Variants in SRL observed in about 807,000 individuals in gnomAD.
SRL encodes the protein sarcalumenin.
A neutral mutation model predicts 39.5 loss-of-function variants in SRL; 23 were observed. That is an observed-to-expected ratio of 0.58 (90% CI 0.42 to 0.82). The LOEUF (loss-of-function observed/expected upper bound fraction) is 0.82. Ranked by LOEUF, SRL falls within the 40% of genes least tolerant of loss-of-function variation. The pLI is 0.00. For synonymous variants in SRL, 272 were observed against 237.4 expected (o/e 1.15, Z -1.34); for missense variants, 592 against 607.8 (o/e 0.97, Z 0.27).
intron 1 of SRL, among the ~76,000 whole-genome samples, chr16:4,213,925 C>T (rs1282968786): frequency 1.3e-5 from 2 of 152,152 alleles, no homozygotes; most frequent in Non-Finnish European, 2.9e-5. Flanking sequence ...CAAGTCATTC[C>T]AGGGATGGGC....
chr16:4,198,913 G>T (rs1324390744), intron 3 of SRL, among the ~76,000 whole-genome samples: 1 of 152,178 alleles, frequency 6.6e-6, no homozygotes, highest in Non-Finnish European at 1.5e-5. Context: ...GGGTCCCTAA[G>T]AGGAAAAATA....
intron 1 of SRL, among the ~76,000 whole-genome samples, chr16:4,221,656 T>C (rs9922801): frequency 6.6e-6 from 1 of 152,216 alleles, no homozygotes; most frequent in Non-Finnish European, 1.5e-5. Flanking sequence ...GTTTTGTATT[T>C]GTTCTATGGG....
At chr16:4,194,961 C>T (rs975735648) in intron 5 of SRL, among the ~76,000 whole-genome samples, 1 of 151,938 alleles carries the variant, frequency 6.6e-6, no homozygotes, top group Non-Finnish European at 1.5e-5. Flanking sequence ...GTAGCATGAC[C>T]ACAGCTCACT....
intron 1 of SRL, among the ~76,000 whole-genome samples, chr16:4,233,375 G>A (rs576681581): frequency 3.5e-4 from 54 of 152,244 alleles, no homozygotes; most frequent in Middle Eastern, 3.4e-3. Context: ...TGAGCCAAGC[G>A]TCATGCTACA....
At chr16:4,208,221 G>C (rs2052349503) in intron 1 of SRL, 1 of 359,686 alleles carries the variant, frequency 2.8e-6, no homozygotes, top group Non-Finnish European at 5.4e-6. Flanking sequence ...CTGGTGTGCA[G>C]TGTTACGCCC....
At chr16:4,207,965 G>A (rs1409447565) in intron 1 of SRL, 2 of 456,748 alleles carry the variant, frequency 4.4e-6, no homozygotes, top group Admixed American at 4.7e-5. Context: ...GGTAGTGAAG[G>A]AGCAGTTTCT....
At chr16:4,222,219 A>AC (rs2052539017) in intron 1 of SRL, among the ~76,000 whole-genome samples, 2 of 151,598 alleles carry the variant, frequency 1.3e-5, no homozygotes, top group Non-Finnish European at 2.9e-5. Flanking sequence ...GTCGTCCCCG[A>AC]CCCCTCCTCT....
intron 4 of SRL, among the ~76,000 whole-genome samples, chr16:4,197,594 G>C (rs2052166779): frequency 1.3e-5 from 2 of 148,394 alleles, no homozygotes; most frequent in South Asian, 2.1e-4. Flanking sequence ...GCTAATTTTT[G>C]TATTTTTTTT....
chr16:4,238,267 T>TC (rs2052734025), intron 1 of SRL, among the ~76,000 whole-genome samples: 1 of 151,662 alleles, frequency 6.6e-6, no homozygotes, highest in South Asian at 2.1e-4. Context: ...TGCTCCCCAC[T>TC]CCCCCAGCCA....
chr16:4,193,475 A>G (rs1369189321), intron 5 of SRL, among the ~76,000 whole-genome samples: 1 of 152,252 alleles, frequency 6.6e-6, no homozygotes, highest in Non-Finnish European at 1.5e-5. Context: ...TTAGAAGAAC[A>G]TGAAAGAATG....
chr16:4,201,582 A>G (rs2052231689), intron 3 of SRL, among the ~76,000 whole-genome samples: 1 of 134,378 alleles, frequency 7.4e-6, no homozygotes, highest in Non-Finnish European at 1.6e-5. Context: ...CGGCCATCGG[A>G]TTGTTTTTAA....
chr16:4,224,575 A>G (rs1281170964), intron 1 of SRL, among the ~76,000 whole-genome samples: 1 of 151,936 alleles, frequency 6.6e-6, no homozygotes, highest in Non-Finnish European at 1.5e-5. Context: ...AATTAGTGTG[A>G]TGGCTCACAC....
chr16:4,222,089 GT>G (rs1460334798), intron 1 of SRL, among the ~76,000 whole-genome samples: 1 of 151,986 alleles, frequency 6.6e-6, no homozygotes, highest in Non-Finnish European at 1.5e-5. Flanking sequence ...CCCATAACAG[GT>G]CCCCCAATAG....
chr16:4,205,443 G>T (rs1314352352), intron 1 of SRL, among the ~76,000 whole-genome samples: 1 of 152,088 alleles, frequency 6.6e-6, no homozygotes, highest in Non-Finnish European at 1.5e-5. Flanking sequence ...TTAATAAAAT[G>T]TAATCATTAC....
chr16:4,231,979 C>T (rs1172602240), intron 1 of SRL, among the ~76,000 whole-genome samples: 1 of 152,208 alleles, frequency 6.6e-6, no homozygotes, highest in Non-Finnish European at 1.5e-5. Context: ...GGTGAAGAAA[C>T]AAACGCAGAG....
chr16:4,215,264 A>T (rs1283129668), intron 1 of SRL, among the ~76,000 whole-genome samples: 2 of 152,168 alleles, frequency 1.3e-5, no homozygotes, highest in Non-Finnish European at 2.9e-5. Flanking sequence ...TGAGGCAGCC[A>T]TTCTTGGAAG....
intron 1 of SRL, among the ~76,000 whole-genome samples, chr16:4,206,034 C>A (rs962615597): frequency 2.6e-5 from 4 of 152,186 alleles, no homozygotes; most frequent in Admixed American, 2.6e-4. Flanking sequence ...GACCTCTACC[C>A]TGAAAGCCCC....
chr16:4,197,129 C>T (rs867786447), intron 4 of SRL, among the ~76,000 whole-genome samples: 3 of 121,976 alleles, frequency 2.5e-5, no homozygotes, highest in African/African-American at 6.3e-5. Context: ...AGTGCAGTGG[C>T]GCGATTTTGG....
Position 4,192,414 on chromosome 16 carries a change from C to T in SRL, c.1161G>A (p.Lys387=). Residue 387 remains lysine (K), a synonymous_variant, in exon 6 of 6, where the codon AAG becomes AAA. Coordinates refer to ENST00000399609, the MANE Select transcript of SRL (RefSeq NM_001098814.2). The surrounding 1 kb of genome is among the most constrained non-coding windows in gnomAD (Gnocchi z 4.0). Reference sequence around the variant, plus strand: ...GAAGGTCAAATTTGCTGACATTGGTCTTTGCCAGGATGGTCTTGAAGATGT... The same window carrying T: ...GAAGGTCAAATTTGCTGACATTGGTTTTTGCCAGGATGGTCTTGAAGATGT... The part of the protein sequence containing the change: ...KFYIFKTILA[K]TNVSKFDLPN... The T allele has an allele frequency of 7.4e-6, 12 of 1,614,192 alleles. No homozygotes were observed. Among genetic ancestry groups the T allele is most frequent in the Non-Finnish European group, 1.0e-5 (12 of 1,180,036 alleles).
Sources: gnomAD v4.1 joint callset for allele counts (sites outside exome capture counted in the v4.1 genomes callset) on GRCh38, gnomAD v4.1.1 for gene constraint, Gnocchi (gnomAD v3.1) non-coding constraint, MANE v1.5 for transcripts, NCBI Gene and HGNC (gene_info 2026-07-23, HGNC 2026-07-21) for gene names.